EML6: variants seen among roughly 807,000 people sequenced by gnomAD.
EML6 encodes the protein echinoderm microtubule-associated protein-like 6.
A neutral mutation model predicts 240.1 loss-of-function variants in EML6; 154 were observed. The observed-to-expected ratio is 0.64, with a 90% CI of 0.56 to 0.73. EML6 has a LOEUF of 0.73. EML6 is among the 30% of genes least tolerant of loss of function. The pLI, the probability that EML6 is intolerant of heterozygous loss-of-function variation, is 0.00. For missense variants in EML6, 2,964 were observed against 2,474.6 expected (o/e 1.20, Z -4.20); for synonymous variants, 1,148 against 899.0 (o/e 1.28, Z -4.95).
chr2:54,868,525 T>C (rs918669554), intron 14 of EML6: 6 of 152,204 alleles, frequency 3.9e-5, no homozygotes, highest in African/African-American at 1.4e-4. Flanking sequence ...ATGGAGGCCA[T>C]TTTATAGCAA....
intron 26 of EML6, among the ~76,000 whole-genome samples, chr2:54,918,003 G>A (rs1329854505): frequency 1.3e-5 from 2 of 152,124 alleles, no homozygotes; most frequent in Non-Finnish European, 1.5e-5. Context: ...AATGGCATTG[G>A]CCCTTTTGGC....
chr2:54,765,654 G>T (rs1312114949), intron 2 of EML6, among the ~76,000 whole-genome samples: 2 of 152,046 alleles, frequency 1.3e-5, no homozygotes, highest in Admixed American at 6.6e-5. Flanking sequence ...TAGAGATGGG[G>T]TTTCACTGTG....
chr2:54,919,132 C>T (rs547969947), intron 26 of EML6, among the ~76,000 whole-genome samples: 2 of 152,124 alleles, frequency 1.3e-5, no homozygotes, highest in African/African-American at 4.8e-5. Flanking sequence ...TCTGTTTTCT[C>T]CTTTGCGGTT....
rs573918439 is a variant in EML6 at position 54,928,321 on chromosome 2, C to G, written c.3684C>G (p.His1228Gln). 3.9e-6 allele frequency: 6 copies of G among 1,551,656 alleles called. No individual in the cohort carries two copies. The highest frequency in any genetic ancestry group is 1.4e-5 in the African/African-American group (1 of 73,022). Residue 1228 changes from histidine to glutamine, a missense_variant, in exon 27 of 42, where the codon CAC becomes CAG. By Grantham distance (24) the His-to-Gln change is conservative (BLOSUM62 0). Coordinates refer to ENST00000356458, the MANE Select transcript of EML6 (RefSeq NM_001039753.4). The part of the protein sequence containing the change: ...KLFSYPVKGQ[H>Q]ARFKKYVGHS... ...AATTTCGGGCTTTACAGGGACAGCACGCAAGATTCAAGAAGTATGTGGGGC... is the reference window on the plus strand; with the variant it reads ...AATTTCGGGCTTTACAGGGACAGCAGGCAAGATTCAAGAAGTATGTGGGGC...
chr2:54,897,275 C>A (rs891778), intron 21 of EML6, among the ~76,000 whole-genome samples: 1 of 152,112 alleles, frequency 6.6e-6, no homozygotes, highest in East Asian at 1.9e-4. Context: ...TATGCTTGAC[C>A]AAGGCTTTTC....
At chr2:54,846,298 ATC>A (rs1466274482) in intron 8 of EML6, among the ~76,000 whole-genome samples, 2 of 152,044 alleles carry the variant, frequency 1.3e-5, no homozygotes, top group East Asian at 3.9e-4. Context: ...ATATATTTCA[ATC>A]TGTGTGTGCT....
chr2:54,890,164 C>A (rs1037334071), intron 17 of EML6, among the ~76,000 whole-genome samples: 13 of 152,038 alleles, frequency 8.6e-5, no homozygotes, highest in African/African-American at 2.4e-4. Flanking sequence ...TTTCTCTTTA[C>A]ATCTATTAAT....
chr2:54,959,038 A>C (rs1676368953), intron 33 of EML6, 66 bp from the exon 34 acceptor site: 1 of 1,436,042 alleles, frequency 7.0e-7, no homozygotes, highest in South Asian at 1.4e-5. Flanking sequence ...TAATGAGAGA[A>C]CGGGTGGCTG....
rs930349880 is a variant in EML6, at chr2:54,903,427, G to T, written c.3334G>T (p.Val1112Leu). ...SHDNFVDIYN[V>L]LTSKRVGICK... ...TGATAACTTTGTGGATATTTACAAC[G>T]TACTTACAAGCAAAAGGGTTGGCAT... The change falls in exon 24 of 42, where the codon GTA becomes TTA. Residue 1112 changes from valine to leucine, a missense_variant. Transcript: ENST00000356458. 4 of 1,551,692 alleles carry T rather than the reference G, an allele frequency of 2.6e-6. No individual in the cohort carries two copies. The South Asian group carries it at 4.8e-5, about 18-fold the overall frequency.
intron 2 of EML6, among the ~76,000 whole-genome samples, chr2:54,796,162 C>T (rs541025417): frequency 2.2e-4 from 33 of 152,266 alleles, no homozygotes; most frequent in Non-Finnish European, 4.1e-4. Context: ...AGTAAAATCC[C>T]AAGATATCAT....
Position 54,869,322 on chromosome 2 carries a change from C to A in EML6, c.2193C>A (p.Leu731=). The change falls in exon 15 of 42, where the codon CTC becomes CTA. Residue 731 remains leucine, a synonymous_variant. Transcript: ENST00000356458. ...RLYLGHDDDI[L]SLTIHPVKDY... is the part of the protein sequence containing the mutation. ...ACCTGGGGCACGATGACGACATTCTCAGCCTGACCATCCATCCAGTGAAGG... is the reference window on the plus strand; with the variant it reads ...ACCTGGGGCACGATGACGACATTCTAAGCCTGACCATCCATCCAGTGAAGG... 6.4e-7 allele frequency: 1 copy of A among 1,551,650 alleles called. No homozygotes were observed. The highest frequency in any genetic ancestry group is 8.7e-7 in the Non-Finnish European group (1 of 1,146,928).
At chr2:54,846,657 A>C (rs1334698866) in intron 8 of EML6, among the ~76,000 whole-genome samples, 2 of 151,708 alleles carry the variant, frequency 1.3e-5, no homozygotes, top group Admixed American at 6.6e-5. Context: ...CTATTTTTAA[A>C]ATCTTTTTTA....
intron 24 of EML6, 115 bp downstream of exon 24, chr2:54,903,617 A>G (rs1673171110): frequency 2.4e-6 from 2 of 834,394 alleles, no homozygotes; most frequent in Non-Finnish European, 3.5e-6. Context: ...GGGGAATCCC[A>G]CAACAATATA....
At chr2:54,932,938 A>G (rs888679539) in intron 28 of EML6, among the ~76,000 whole-genome samples, 2 of 152,138 alleles carry the variant, frequency 1.3e-5, no homozygotes, top group Non-Finnish European at 2.9e-5. Context: ...AAACTGGCCT[A>G]AGCAAAGGGG....
At chr2:54,891,378 C>T (rs1672460550) in intron 18 of EML6, among the ~76,000 whole-genome samples, 1 of 152,188 alleles carries the variant, frequency 6.6e-6, no homozygotes, top group Admixed American at 6.5e-5. Flanking sequence ...GGAAAATGTT[C>T]TGCTGTGAAA....
At chr2:54,750,331 A>G (rs976991659) in intron 2 of EML6, among the ~76,000 whole-genome samples, 1 of 152,210 alleles carries the variant, frequency 6.6e-6, no homozygotes, top group Non-Finnish European at 1.5e-5. Flanking sequence ...CTCACCAGCC[A>G]GTCTACAGCA....
chr2:54,906,902 G>T (rs891588375), intron 24 of EML6, among the ~76,000 whole-genome samples: 1 of 152,194 alleles, frequency 6.6e-6, no homozygotes. Context: ...TTTAGAAGCA[G>T]GGTTCTGTTT....
chr2:54,798,950 A>T (rs1669965904), intron 2 of EML6, among the ~76,000 whole-genome samples: 1 of 152,098 alleles, frequency 6.6e-6, no homozygotes, highest in Non-Finnish European at 1.5e-5. Context: ...TTTCCATTCT[A>T]TTCTTAATTT....
chr2:54,785,934 A>AAT (rs1352905071), intron 2 of EML6, among the ~76,000 whole-genome samples: 136 of 149,642 alleles, frequency 9.1e-4, no homozygotes, highest in African/African-American at 2.4e-3. Flanking sequence ...TGTATATATA[A>AAT]ATATATATAT....
Sources: allele counts gnomAD v4.1 joint callset (sites outside exome capture counted in the v4.1 genomes callset), GRCh38; gene constraint gnomAD v4.1.1; transcripts MANE v1.5; gene names NCBI Gene and HGNC (gene_info 2026-07-23, HGNC 2026-07-21).